IGDCC4: variants seen among roughly 807,000 people sequenced by gnomAD.
The protein encoded by IGDCC4 is immunoglobulin superfamily DCC subclass member 4, also known as likely ortholog of mouse neighbor of Punc E11.
In IGDCC4, 72 loss-of-function variants were observed where a neutral mutation model predicts 116.6. The ratio of observed to expected loss-of-function variants is 0.62; its 90% CI spans 0.51 to 0.75. The LOEUF (loss-of-function observed/expected upper bound fraction) is 0.75, where lower values mean the gene tolerates loss of function less well. Ranked by LOEUF, IGDCC4 falls within the 30% of genes least tolerant of loss-of-function variation. The pLI, the probability that IGDCC4 is intolerant of heterozygous loss-of-function variation, is 0.00. For synonymous variants in IGDCC4, 709 were observed against 719.9 expected (o/e 0.98, Z 0.24); for missense variants, 1,501 against 1,662.4 (o/e 0.90, Z 1.69).
At chr15:65,390,627 C>T (rs1231245812) in intron 12 of IGDCC4, among the ~76,000 whole-genome samples, 2 of 152,164 alleles carry the variant, frequency 1.3e-5, no homozygotes, top group African/African-American at 2.4e-5. Flanking sequence ...GTTCAAATTC[C>T]AGCTCTGACA....
rs955391406 is a variant in IGDCC4 at position 65,396,771 on chromosome 15, C to T, written c.997+63G>A. 43 of 1,531,190 alleles carry T rather than the reference C, an allele frequency of 2.8e-5. No individual in the cohort carries two copies. In the Middle Eastern group the frequency reaches 6.4e-4, roughly 23 times the overall value. 94.9% of individuals were successfully genotyped at this position (1,531,190 alleles called of 1,614,324 possible). ...CCCCAGCACACCCACCCGTCCACCT[C>T]CCCCTGCTCTATTCACCCCAGCCCC... is the stretch of plus-strand genomic sequence containing the variant. On this transcript the variant is annotated intron_variant, in intron 6 of 19. Transcript: ENST00000352385.
intron 1 of IGDCC4, among the ~76,000 whole-genome samples, chr15:65,413,557 G>C (rs1229616090): frequency 6.6e-6 from 1 of 152,202 alleles, no homozygotes; most frequent in Non-Finnish European, 1.5e-5. Flanking sequence ...ATGTTCTGCA[G>C]GGCCCAGCCA....
chr15:65,396,890 G>C lies in IGDCC4; in HGVS notation c.941C>G (p.Ala314Gly). The C allele has an allele frequency of 6.3e-7, 1 of 1,576,362 alleles. No homozygotes were observed. Among genetic ancestry groups the C allele is most frequent in the Non-Finnish European group, 8.6e-7 (1 of 1,161,078 alleles). ...PWHSGVYVCR[A>G]NKPRTRDFAT... ...GAAGTCGCGCGTGCGGGGCTTGTTG[G>C]CGCGGCAGACATAGACGCCGGAGTG... is the stretch of plus-strand genomic sequence containing the variant. Residue 314 changes from alanine to glycine, a missense_variant, in exon 6 of 20, where the codon GCC becomes GGC. Ala to Gly is a moderately conservative substitution (Grantham distance 60). Coordinates refer to ENST00000352385, the MANE Select transcript of IGDCC4 (RefSeq NM_020962.3).
chr15:65,415,114 A>G (rs1466337510), intron 1 of IGDCC4, among the ~76,000 whole-genome samples: 1 of 152,210 alleles, frequency 6.6e-6, no homozygotes, highest in Non-Finnish European at 1.5e-5. Flanking sequence ...AGTACAGGGT[A>G]GGAGGAAGGC....
At chr15:65,403,655 A>G (rs748247477) in intron 3 of IGDCC4, among the ~76,000 whole-genome samples, 14 of 152,026 alleles carry the variant, frequency 9.2e-5, no homozygotes, top group Non-Finnish European at 1.6e-4. Context: ...GCCAAATGTC[A>G]TATTTGTCCT....
chr15:65,422,796 G>C lies in IGDCC4; in HGVS notation c.67C>G (p.Arg23Gly). ...CTCTCCGGGCGCCCGCCCTTACCGC[G>C]CGCGGCCAACAGGCAGAAGGTCAAC... Reference protein sequence around the residue: ...LALTFCLLAARGELLLPQETT... With the variant: ...LALTFCLLAAGGELLLPQETT... The change falls in exon 1 of 20, where the codon CGC becomes GGC. Residue 23 changes from arginine (R) to glycine (G), a missense_variant. By Grantham distance (125) the Arg-to-Gly change is moderately radical (BLOSUM62 -2). Transcript: ENST00000352385. 1 of 1,321,024 alleles carries C rather than the reference G, an allele frequency of 7.6e-7. No individual in the cohort carries two copies. Among genetic ancestry groups the C allele is most frequent in the Non-Finnish European group, 9.7e-7 (1 of 1,035,996 alleles). 81.8% of individuals were successfully genotyped at this position (1,321,024 alleles called of 1,614,324 possible). A position where few individuals can be genotyped will look rare whatever the true frequency, so the allele number is the denominator to read the frequency against.
At chr15:65,406,183 C>A (rs1274987963) in intron 3 of IGDCC4, among the ~76,000 whole-genome samples, 1 of 152,210 alleles carries the variant, frequency 6.6e-6, no homozygotes, top group Non-Finnish European at 1.5e-5. Flanking sequence ...CTAGAAGTTA[C>A]ATTATTTATT....
chr15:65,387,965 G>T (rs2091474316), intron 16 of IGDCC4, among the ~76,000 whole-genome samples: 1 of 152,028 alleles, frequency 6.6e-6, no homozygotes, highest in Admixed American at 6.5e-5. Flanking sequence ...ACAATAATTG[G>T]CTGGGCATGG....
intron 4 of IGDCC4, among the ~76,000 whole-genome samples, chr15:65,401,717 A>C (rs369784851): frequency 6.6e-5 from 10 of 152,236 alleles, no homozygotes; most frequent in African/African-American, 2.4e-4. Flanking sequence ...GGCACTTTCC[A>C]TTCTTATCTC....
At position 65,404,195 on chromosome 15, in the gene IGDCC4, G is replaced by A. The variant is rs543963735; in HGVS notation, c.564-1708C>T. On this transcript the variant is annotated intron_variant, in intron 3 of 19. Transcript: ENST00000352385. ...CCCTACAAACCTGCTGTGGCCCAAA[G>A]ACTTAAAGGACTTAGAGAAAAAAAG... 2.0e-4 allele frequency among the ~76,000 whole-genome samples: 31 copies of A among 152,268 alleles called. No homozygotes were observed. In the East Asian group the frequency reaches 3.9e-3, roughly 19 times the overall value.
intron 1 of IGDCC4, among the ~76,000 whole-genome samples, chr15:65,414,424 C>T (rs1317941625): frequency 2.0e-5 from 3 of 152,326 alleles, no homozygotes; most frequent in East Asian, 3.9e-4. Flanking sequence ...CTGCGGGCCA[C>T]GTGCTGTGGT....
At chr15:65,411,748 A>C (rs2140234410) in intron 1 of IGDCC4, among the ~76,000 whole-genome samples, 1 of 152,352 alleles carries the variant, frequency 6.6e-6, no homozygotes, top group East Asian at 1.9e-4. Context: ...CACATTTTGC[A>C]TGATCTCATT....
At chr15:65,389,553 C>G (rs2091493112) in intron 13 of IGDCC4, 142 bp from the exon 14 acceptor site, 2 of 1,090,144 alleles carry the variant, frequency 1.8e-6, no homozygotes, top group Non-Finnish European at 2.7e-6. Flanking sequence ...CTGGAGGCGA[C>G]TACCACCACC....
intron 3 of IGDCC4, among the ~76,000 whole-genome samples, chr15:65,404,693 A>G (rs200388293): frequency 1.9e-5 from 2 of 103,892 alleles, no homozygotes; most frequent in South Asian, 3.3e-4. Flanking sequence ...ATGAATGAAC[A>G]AATTAATGAA....
Position 65,393,470 on chromosome 15 carries a change from C to G in IGDCC4, c.1776G>C (p.Gln592His). 1 of 1,613,244 alleles carries G rather than the reference C, an allele frequency of 6.2e-7. No homozygotes were observed. Among genetic ancestry groups the G allele is most frequent in the South Asian group, 1.1e-5 (1 of 90,830 alleles). Residue 592 changes from glutamine (Q) to histidine (H), a missense_variant, in exon 10 of 20, where the codon CAG (glutamine) becomes CAC (histidine). Around this residue, in one of 3 missense-constraint regions of IGDCC4, gnomAD observed 898 missense variants for 978.9 expected, o/e 0.92. Coordinates refer to ENST00000352385, the MANE Select transcript of IGDCC4 (RefSeq NM_020962.3). This position sits in a 1 kb window ranked among gnomAD's most constrained non-coding sequence, Gnocchi z 4.6. ...NETQLMLNSL[Q>H]PNKVYRVRIS... ...TCCGTACTCGATACACCTTGTTTGG[C>G]TGAAGCGAGTTCAGCATAAGCTGTG...
chr15:65,418,759 G>T (rs1037680576), intron 1 of IGDCC4, among the ~76,000 whole-genome samples: 2 of 152,144 alleles, frequency 1.3e-5, no homozygotes, highest in African/African-American at 4.8e-5. Flanking sequence ...AATGACATCT[G>T]CTCTGCATCT....
At position 65,400,912 on chromosome 15, in the gene IGDCC4, G is replaced by A; in HGVS notation, c.735C>T (p.Val245=). ...SLASTRGQDV[V]IVAAPENTTV... is the part of the protein sequence containing the mutation. The stretch of plus-strand genomic sequence containing the variant: ...TGGTGTTCTCTGGGGCTGCCACAAT[G>A]ACCACGTCCTGCCCCCTGGTGGACG... The change falls in exon 5 of 20, where the codon GTC becomes GTT. Residue 245 remains valine, a synonymous_variant. Coordinates refer to ENST00000352385, the MANE Select transcript of IGDCC4 (RefSeq NM_020962.3). 6.2e-7 allele frequency: 1 copy of A among 1,614,156 alleles called. No individual in the cohort carries two copies. Among genetic ancestry groups the A allele is most frequent in the Non-Finnish European group, 8.5e-7 (1 of 1,180,018 alleles).
In IGDCC4 at chr15:65,399,493, C is replaced by T. The variant is rs565912559; in HGVS notation, c.841+1313G>A. Among the ~76,000 whole-genome samples the T allele has an allele frequency of 1.1e-4, 16 of 151,012 alleles. No individual in the cohort carries two copies. In the South Asian group the frequency reaches 2.3e-3, roughly 22 times the overall value. ...AAAAGATTCCTGGAACACGACTCTC[C>T]GGGGTGAAGAAAGGAGTCTGCAGTT... is the stretch of plus-strand genomic sequence containing the variant. On this transcript the variant is annotated intron_variant, in intron 5 of 19. Transcript: ENST00000352385.
In IGDCC4 at chr15:65,411,115, G is replaced by A; in HGVS notation, c.326C>T (p.Pro109Leu). ...GCCTTCAATGACCCCCACAGCCTCA[G>A]GGACTGACTCGTCACTGCCATTGGG... Reference protein sequence around the residue: ...LAPNGSDESVPEAVGVIEGNY... With the variant: ...LAPNGSDESVLEAVGVIEGNY... Residue 109 changes from proline to leucine, a missense_variant, in exon 2 of 20, where the codon CCT (proline) becomes CTT (leucine). Pro to Leu is a moderately conservative substitution (Grantham distance 98, BLOSUM62 -3). Transcript: ENST00000352385. 1.9e-6 allele frequency: 3 copies of A among 1,614,252 alleles called. No homozygotes were observed. The highest frequency in any genetic ancestry group is 1.7e-6 in the Non-Finnish European group (2 of 1,180,044).
Sources: allele counts gnomAD v4.1 joint callset (sites outside exome capture counted in the v4.1 genomes callset), GRCh38; gene constraint gnomAD v4.1.1; regional missense constraint gnomAD v4.1.1; non-coding constraint Gnocchi (gnomAD v3.1); transcripts MANE v1.5; gene names NCBI Gene and HGNC (gene_info 2026-07-23, HGNC 2026-07-21).